ANO4: variants seen among roughly 807,000 people sequenced by gnomAD.
ANO4 encodes anoctamin 4.
Under a neutral mutation model 141.9 loss-of-function variants are expected in ANO4, and 69 were observed. The ratio of observed to expected loss-of-function variants is 0.49; its 90% confidence interval spans 0.40 to 0.59. The LOEUF is 0.59. Among genes scored for constraint, ANO4 ranks in the 20% least tolerant of loss-of-function variants. ANO4 has a pLI of 0.00. For synonymous variants in ANO4, 350 were observed against 394.3 expected, an observed-to-expected ratio of 0.89 and a Z score of 1.33; for missense variants, 894 against 1,162.2, an observed-to-expected ratio of 0.77 and a Z score of 3.36.
intron 1 of ANO4, among the ~76,000 whole-genome samples, chr12:100,882,569 T>G (rs2039622281): frequency 6.6e-6 from 1 of 152,198 alleles, no homozygotes; most frequent in Non-Finnish European, 1.5e-5. Context: ...CAGTATGAGC[T>G]ATTATTACCC....
chr12:101,074,384 G>T (rs940118468), intron 14 of ANO4, among the ~76,000 whole-genome samples: 7 of 152,174 alleles, frequency 4.6e-5, no homozygotes, highest in Admixed American at 1.3e-4. Context: ...GAAGGGGAAA[G>T]TGGATACGGA....
chr12:100,965,674 G>T (rs1173123307), intron 5 of ANO4, among the ~76,000 whole-genome samples: 1 of 151,474 alleles, frequency 6.6e-6, no homozygotes, highest in Non-Finnish European at 1.5e-5. Context: ...CTGGGCCTTT[G>T]TTCTTGCTGT....
Position 101,053,256 on chromosome 12 carries a change from G to A in ANO4, c.1312+4855G>A, listed in dbSNP as rs141193842. ...AAAGAAGTCTTAGCTTTGCCAGGCA[G>A]AGTAGTGGGGTTGGAAGGAGACATA... On this transcript the variant is annotated intron_variant, in intron 14 of 27. Transcript: ENST00000392977. 2.3e-3 allele frequency among the ~76,000 whole-genome samples: 357 copies of A among 152,348 alleles called. 4 individuals are homozygous for A. Among genetic ancestry groups the A allele is most frequent in the South Asian group, 0.023 (110 of 4,824 alleles).
chr12:100,823,647 G>A (rs1027421149), intron 1 of ANO4, among the ~76,000 whole-genome samples: 13 of 151,974 alleles, frequency 8.6e-5, no homozygotes, highest in African/African-American at 3.1e-4. Flanking sequence ...ACTAGTATTT[G>A]TATAAGCCAG....
intron 14 of ANO4, among the ~76,000 whole-genome samples, chr12:101,051,214 A>AC (rs1479840384): frequency 6.6e-6 from 1 of 152,138 alleles, no homozygotes; most frequent in East Asian, 1.9e-4. Flanking sequence ...CCCCTTGCCA[A>AC]CCTCAGCTGA....
chr12:101,015,470 C>T (rs973782301), intron 8 of ANO4, among the ~76,000 whole-genome samples: 1 of 152,156 alleles, frequency 6.6e-6, no homozygotes, highest in Admixed American at 6.5e-5. Flanking sequence ...GAATATTCCA[C>T]TGTAGAGTTG....
At chr12:100,884,101 C>A (rs76586877) in intron 1 of ANO4, among the ~76,000 whole-genome samples, 8,002 of 152,172 alleles carry the variant, frequency 0.053, 252 homozygotes, top group Middle Eastern at 0.092. Flanking sequence ...TTAAAAAGTT[C>A]CATTTCAAAG....
Position 100,987,670 on chromosome 12 carries a change from AGT to A in ANO4, c.734+2_734+3del. The A allele has an allele frequency of 1.9e-6, 3 of 1,613,808 alleles. No homozygotes were observed. Among genetic ancestry groups the A allele is most frequent in the Non-Finnish European group, 2.5e-6 (3 of 1,179,882 alleles). The stretch of plus-strand genomic sequence containing the variant: ...CCTTTCAGCCAGCAAAGGATCCATC[AGT>A]GAGTGTTCCATGTTAAAGCCCCATC... On this transcript the variant is annotated splice_donor_variant, in intron 8 of 27. Transcript: ENST00000392977. LOFTEE classifies it high-confidence loss of function.
At chr12:100,792,063 C>T (rs974252131), upstream of ANO4, among the ~76,000 whole-genome samples, 8 of 151,536 alleles carry the variant, frequency 5.3e-5, no homozygotes, top group Non-Finnish European at 7.4e-5. Context: ...ATTATGTGGC[C>T]GCCTACCCTC....
rs960124190 is a variant in ANO4, at chr12:100,734,021, C to T, written c.106+164C>T. On this transcript the variant is annotated intron_variant, in intron 2 of 29. Coordinates refer to the ANO4 transcript ENST00000644049. ...TGTGGACTCACTTTTCTGGATCGCC[C>T]TCTTGTGGATTTCTACTGCTTTTGC... is the stretch of plus-strand genomic sequence containing the variant. Among the ~76,000 whole-genome samples the T allele has an allele frequency of 5.3e-5, 8 of 152,156 alleles. No homozygotes were observed. The South Asian group carries it at 1.0e-3, about 20-fold the overall frequency.
Position 100,855,594 on chromosome 12 carries a change from G to C in ANO4, c.-140-46052G>C, listed in dbSNP as rs908669607. Among the ~76,000 whole-genome samples, 4 of 152,112 alleles carry C rather than the reference G, an allele frequency of 2.6e-5. 1 individual carries two copies. The highest frequency in any genetic ancestry group is 9.6e-5 in the African/African-American group (4 of 41,512). The stretch of plus-strand genomic sequence containing the variant: ...ATCATACTTACAGAGTTTGTTTTCT[G>C]TTTTTCCTTGTTTATACAAATTTCC... On this transcript the variant is annotated intron_variant, in intron 1 of 27. Coordinates refer to ENST00000392977, the MANE Select transcript of ANO4 (RefSeq NM_001286615.2).
At chr12:100,818,152 G>A (rs2035837079) in intron 1 of ANO4, among the ~76,000 whole-genome samples, 1 of 151,604 alleles carries the variant, frequency 6.6e-6, no homozygotes, top group South Asian at 2.1e-4. Context: ...CATTTCATTT[G>A]TTTACATGGT....
chr12:101,018,510 A>G (rs902366491), intron 8 of ANO4, among the ~76,000 whole-genome samples: 1 of 152,146 alleles, frequency 6.6e-6, no homozygotes, highest in African/African-American at 2.4e-5. Context: ...CTGTTATCCC[A>G]AAGTCACATT....
intron 1 of ANO4, among the ~76,000 whole-genome samples, chr12:100,842,427 G>GTGTGTC (rs2037323791): frequency 6.6e-6 from 1 of 151,882 alleles, no homozygotes; most frequent in Non-Finnish European, 1.5e-5. Context: ...GTGTGTGTGT[G>GTGTGTC]TGCCTGTCTG....
intron 3 of ANO4, among the ~76,000 whole-genome samples, chr12:100,786,245 G>A (rs1459702811): frequency 1.3e-5 from 2 of 152,230 alleles, no homozygotes; most frequent in African/African-American, 2.4e-5. Context: ...ACCAAGGGGA[G>A]TGTAGTTCTT....
intron 1 of ANO4, among the ~76,000 whole-genome samples, chr12:100,895,954 A>G (rs941898753): frequency 1.3e-5 from 2 of 152,068 alleles, no homozygotes; most frequent in Non-Finnish European, 2.9e-5. Context: ...AGCAGGAAAC[A>G]TAGGCTTGAT....
chr12:100,807,537 A>C (rs973338354), intron 1 of ANO4, among the ~76,000 whole-genome samples: 1 of 152,156 alleles, frequency 6.6e-6, no homozygotes, highest in East Asian at 1.9e-4. Context: ...GAAAGGGTTA[A>C]ATTAAATTTA....
At chr12:101,108,794 T>C (rs1043228670) in intron 22 of ANO4, among the ~76,000 whole-genome samples, 2 of 152,210 alleles carry the variant, frequency 1.3e-5, no homozygotes, top group Admixed American at 6.5e-5. Context: ...AAAAAATTTT[T>C]ATTTTGCAAG....
chr12:101,010,057 C>T (rs2046021147), intron 8 of ANO4, among the ~76,000 whole-genome samples: 1 of 152,078 alleles, frequency 6.6e-6, no homozygotes, highest in Admixed American at 6.6e-5. Context: ...ACTGGTTTAG[C>T]ATTCAGTTTT....
Sources: gnomAD v4.1 joint callset for allele counts (sites outside exome capture counted in the v4.1 genomes callset) on GRCh38, gnomAD v4.1.1 for gene constraint, MANE v1.5 for transcripts, NCBI Gene and HGNC (gene_info 2026-07-23, HGNC 2026-07-21) for gene names.